CADPS: variants seen among roughly 807,000 people sequenced by gnomAD.
CADPS encodes calcium-dependent secretion activator 1.
A neutral mutation model predicts 167.3 loss-of-function variants in CADPS; 57 were observed. The ratio of observed to expected loss-of-function variants is 0.34; its 90% CI spans 0.28 to 0.42. The LOEUF is 0.42. Among genes scored for constraint, CADPS ranks in the 20% least tolerant of loss-of-function variants. The probability of loss-of-function intolerance (pLI) is 1.00; values close to 1 mark genes in which losing one functional copy is unlikely to be tolerated. For synonymous variants in CADPS, 676 were observed against 635.3 expected, an observed-to-expected ratio of 1.06 and a Z score of -0.96; for missense variants, 1,414 against 1,738.1, an observed-to-expected ratio of 0.81 and a Z score of 3.32.
chr3:62,474,641 T>G (rs60201217), intron 23 of CADPS, among the ~76,000 whole-genome samples: 2,971 of 152,262 alleles, frequency 0.02, 66 homozygotes, highest in Middle Eastern at 0.054. Context: ...TATAGCAGTA[T>G]AGCATATGTA....
At chr3:62,645,660 G>T in intron 6 of CADPS, 62 bp downstream of exon 6, 1 of 1,587,274 alleles carries the variant, frequency 6.3e-7, no homozygotes, top group Non-Finnish European at 8.6e-7. Context: ...CTTGGAGTTG[G>T]CCAAAATGGA....
chr3:62,665,342 A>G (rs895168400), intron 3 of CADPS, among the ~76,000 whole-genome samples: 7 of 152,176 alleles, frequency 4.6e-5, no homozygotes, highest in Non-Finnish European at 8.8e-5. Flanking sequence ...AGTTTGGAAA[A>G]TTCCACATGT....
chr3:62,869,502 T>C (rs1265879068), intron 1 of CADPS, among the ~76,000 whole-genome samples: 1 of 152,106 alleles, frequency 6.6e-6, no homozygotes, highest in Admixed American at 6.5e-5. Flanking sequence ...TCAAATGAAA[T>C]TAACTTTTAA....
chr3:62,834,060 G>C (rs141097902), intron 1 of CADPS, among the ~76,000 whole-genome samples: 1 of 152,116 alleles, frequency 6.6e-6, no homozygotes, highest in African/African-American at 2.4e-5. Context: ...TAAGTTCTCT[G>C]TCATGGGTCT....
intron 1 of CADPS, among the ~76,000 whole-genome samples, chr3:62,871,940 G>A (rs184846196): frequency 5.9e-5 from 9 of 152,210 alleles, no homozygotes; most frequent in African/African-American, 9.6e-5. Context: ...TCTATGTGCC[G>A]TGCACATAGT....
At chr3:62,736,799 C>A (rs1466633008) in intron 3 of CADPS, among the ~76,000 whole-genome samples, 1 of 152,148 alleles carries the variant, frequency 6.6e-6, no homozygotes, top group Admixed American at 6.5e-5. Context: ...AATCCAGATA[C>A]CATGGCGAAC....
chr3:62,722,877 A>G (rs1386872350), intron 3 of CADPS, among the ~76,000 whole-genome samples: 1 of 152,150 alleles, frequency 6.6e-6, no homozygotes, highest in East Asian at 1.9e-4. Flanking sequence ...ATTTTGCAGC[A>G]TGCTGGCCTT....
intron 28 of CADPS, among the ~76,000 whole-genome samples, chr3:62,436,843 A>G (rs959623128): frequency 1.3e-5 from 2 of 152,058 alleles, no homozygotes; most frequent in African/African-American, 4.8e-5. Flanking sequence ...TCAAGCACAG[A>G]AAGGGGACGA....
chr3:62,836,808 C>T (rs528327158), intron 1 of CADPS, among the ~76,000 whole-genome samples: 90 of 152,186 alleles, frequency 5.9e-4, no homozygotes, highest in African/African-American at 2.0e-3. Flanking sequence ...ACTTTCCTTT[C>T]GCCCACCCCC....
At chr3:62,551,335 G>C (rs1019882950) in intron 10 of CADPS, among the ~76,000 whole-genome samples, 1 of 152,178 alleles carries the variant, frequency 6.6e-6, no homozygotes, top group African/African-American at 2.4e-5. Flanking sequence ...AATGAATCAT[G>C]AAATTCTGAT....
intron 11 of CADPS, among the ~76,000 whole-genome samples, chr3:62,547,856 C>T (rs781703989): frequency 4.6e-5 from 7 of 151,932 alleles, no homozygotes; most frequent in Non-Finnish European, 7.4e-5. Flanking sequence ...CTTTTTTAAT[C>T]GATTTCTTGT....
At chr3:62,432,290 G>A (rs1032915397) in intron 28 of CADPS, among the ~76,000 whole-genome samples, 3 of 152,108 alleles carry the variant, frequency 2.0e-5, no homozygotes, top group Non-Finnish European at 4.4e-5. Context: ...TTACAGATGG[G>A]GAAATTGAGG....
At chr3:62,599,623 TATA>T (rs1215717108) in intron 6 of CADPS, among the ~76,000 whole-genome samples, 1 of 43,324 alleles carries the variant, frequency 2.3e-5, no homozygotes, top group Non-Finnish European at 4.0e-5. Context: ...ATATATAATA[TATA>T]ATATAATAAA....
intron 6 of CADPS, among the ~76,000 whole-genome samples, chr3:62,630,458 T>G (rs1171114782): frequency 6.6e-6 from 1 of 152,102 alleles, no homozygotes; most frequent in Non-Finnish European, 1.5e-5. Flanking sequence ...CTTGCATTCT[T>G]GTGCCTTAGC....
intron 13 of CADPS, chr3:62,530,718 CT>C: frequency 7.8e-7 from 1 of 1,288,788 alleles, no homozygotes; most frequent in South Asian, 1.2e-5. Flanking sequence ...TTTTTGGTAT[CT>C]TTTTTAGCTT....
chr3:62,714,259 C>A (rs754162357), intron 3 of CADPS, among the ~76,000 whole-genome samples: 8 of 152,144 alleles, frequency 5.3e-5, no homozygotes, highest in Non-Finnish European at 1.0e-4. Flanking sequence ...ATTAAAAAGT[C>A]ATTTTCATAA....
chr3:62,668,919 A>T (rs532044953), intron 3 of CADPS, among the ~76,000 whole-genome samples: 1 of 152,316 alleles, frequency 6.6e-6, no homozygotes, highest in Admixed American at 6.5e-5. Context: ...GAGGGCTGGG[A>T]CCAAATTCCC....
intron 6 of CADPS, among the ~76,000 whole-genome samples, chr3:62,644,069 A>G (rs890658605): frequency 6.6e-6 from 1 of 152,330 alleles, no homozygotes; most frequent in East Asian, 1.9e-4. Context: ...GCTTTTGCCT[A>G]TTCATGCAAA....
intron 3 of CADPS, among the ~76,000 whole-genome samples, chr3:62,731,239 T>C (rs2077722149): frequency 1.3e-5 from 2 of 152,226 alleles, no homozygotes; most frequent in South Asian, 4.1e-4. Context: ...AAATCTTTAG[T>C]CAATGCCTGG....
Sources: gnomAD v4.1 joint callset for allele counts (sites outside exome capture counted in the v4.1 genomes callset) on GRCh38, gnomAD v4.1.1 for gene constraint, MANE v1.5 for transcripts, NCBI Gene and HGNC (gene_info 2026-07-23, HGNC 2026-07-21) for gene names.